The following FOXO1 variants were observed in gnomAD, a reference collection of about 807,000 sequenced individuals.
FOXO1 encodes the protein forkhead box O1.
A neutral mutation model predicts 44.1 loss-of-function variants in FOXO1; 6 were observed. The observed-to-expected ratio is 0.14, with a 90% CI of 0.07 to 0.27. The LOEUF (loss-of-function observed/expected upper bound fraction) is 0.27. Among genes scored for constraint, FOXO1 ranks in the 10% least tolerant of loss-of-function variants. FOXO1 has a pLI of 1.00. For synonymous variants in FOXO1, 380 were observed against 362.7 expected (o/e 1.05, Z -0.54); for missense variants, 737 against 888.8 (o/e 0.83, Z 2.17).
rs555035704 is a variant in FOXO1 at position 40,560,117 on chromosome 13, C to A, written c.1374G>T (p.Ala458=). 3 of 1,613,980 alleles carry A rather than the reference C, an allele frequency of 1.9e-6. No homozygotes were observed. The highest frequency in any genetic ancestry group is 1.7e-5 in the Admixed American group (1 of 59,998). Residue 458 remains alanine, a synonymous_variant, in exon 2 of 3, where the codon GCG becomes GCT. Coordinates refer to ENST00000379561, the MANE Select transcript of FOXO1 (RefSeq NM_002015.4). This position sits in a 1 kb window ranked among gnomAD's most constrained non-coding sequence, Gnocchi z 5.1. ...TCAGCAACTCCTTCAAGAGTCCAGGCGCACAGTTATACTGACTCATACCTC... is the reference window on the plus strand; with the variant it reads ...TCAGCAACTCCTTCAAGAGTCCAGGAGCACAGTTATACTGACTCATACCTC... ...SYGGMSQYNC[A]PGLLKELLTS...
intron 1 of FOXO1, among the ~76,000 whole-genome samples, chr13:40,656,893 C>T (rs142738531): frequency 0.016 from 2,465 of 151,078 alleles, 72 homozygotes; most frequent in African/African-American, 0.054. Flanking sequence ...TGCAGTGGCA[C>T]GATCCAGGCT....
At chr13:40,634,025 C>A (rs1440177719) in intron 1 of FOXO1, among the ~76,000 whole-genome samples, 1 of 152,144 alleles carries the variant, frequency 6.6e-6, no homozygotes, top group Non-Finnish European at 1.5e-5. Flanking sequence ...GGGTTGGAAA[C>A]TGAATTATGG....
At chr13:40,664,384 C>G (rs1193861218) in intron 1 of FOXO1, among the ~76,000 whole-genome samples, 1 of 152,140 alleles carries the variant, frequency 6.6e-6, no homozygotes, top group Non-Finnish European at 1.5e-5. Context: ...CTGGACCCCG[C>G]CCCCGGGAAG....
intron 1 of FOXO1, chr13:40,620,018 A>G: frequency 2.6e-6 from 2 of 783,790 alleles, no homozygotes; most frequent in Non-Finnish European, 4.3e-6. Flanking sequence ...CATAATTCAC[A>G]AAGGGAAAGT....
At chr13:40,619,798 C>T (rs1489284633) in intron 1 of FOXO1, 8 of 780,032 alleles carry the variant, frequency 1.0e-5, no homozygotes, top group East Asian at 9.9e-5. Context: ...TAGTGCTTCA[C>T]GCACTAATTT....
intron 1 of FOXO1, among the ~76,000 whole-genome samples, chr13:40,564,793 C>A (rs1874198778): frequency 6.6e-6 from 1 of 150,844 alleles, no homozygotes; most frequent in Admixed American, 6.6e-5. Context: ...GAAACACAAG[C>A]CAGCCAATCT....
intron 1 of FOXO1, among the ~76,000 whole-genome samples, chr13:40,562,119 A>G (rs1439140394): frequency 2.6e-5 from 4 of 152,080 alleles, no homozygotes; most frequent in African/African-American, 9.7e-5. Context: ...CTGCCAAAAG[A>G]AATTTTTTTT....
chr13:40,605,984 C>CA (rs139088935), intron 1 of FOXO1, among the ~76,000 whole-genome samples: 14 of 146,390 alleles, frequency 9.6e-5, no homozygotes, highest in African/African-American at 1.5e-4. Flanking sequence ...TCTGGGATGA[C>CA]AAAAAAAAAA....
At chr13:40,635,726 G>C (rs1877123804) in intron 1 of FOXO1, among the ~76,000 whole-genome samples, 2 of 152,214 alleles carry the variant, frequency 1.3e-5, no homozygotes, top group African/African-American at 2.4e-5. Flanking sequence ...CCTTGTGCAG[G>C]AAAGGCCTCT....
chr13:40,658,102 C>T (rs1476194016), intron 1 of FOXO1, among the ~76,000 whole-genome samples: 2 of 152,176 alleles, frequency 1.3e-5, no homozygotes, highest in African/African-American at 4.8e-5. Context: ...GATATTCACT[C>T]AGAGGACAAA....
chr13:40,634,288 T>C (rs758365977), intron 1 of FOXO1, among the ~76,000 whole-genome samples: 8 of 152,188 alleles, frequency 5.3e-5, no homozygotes, highest in Non-Finnish European at 1.2e-4. Flanking sequence ...AACTCAACAA[T>C]TTAACTGGTT....
chr13:40,595,391 C>T (rs185336088), intron 1 of FOXO1, among the ~76,000 whole-genome samples: 13 of 152,256 alleles, frequency 8.5e-5, no homozygotes, highest in South Asian at 4.1e-4. Flanking sequence ...CCTGTCAAAA[C>T]GCAGATCCTC....
chr13:40,623,142 C>T (rs555406989), intron 1 of FOXO1, among the ~76,000 whole-genome samples: 1 of 151,570 alleles, frequency 6.6e-6, no homozygotes, highest in Admixed American at 6.6e-5. Flanking sequence ...AAAAGGAATA[C>T]AGTTAAAGGG....
intron 1 of FOXO1, among the ~76,000 whole-genome samples, chr13:40,591,997 G>A (rs372595978): frequency 6.6e-6 from 1 of 152,112 alleles, no homozygotes; most frequent in Non-Finnish European, 1.5e-5. Context: ...GTGAGCCACC[G>A]CACTCAGCCC....
Position 40,559,909 on chromosome 13 carries a change from C to T in FOXO1, c.1582G>A (p.Ala528Thr). ...NPSSHTHPGHAQQTSAVNGRP... is the reference protein window; with the variant it reads ...NPSSHTHPGHTQQTSAVNGRP... ...CCGTTAACTGCAGATGTCTGCTGAGCATGTCCAGGGTGGGTATGGGAGCTG... is the reference window on the plus strand; with the variant it reads ...CCGTTAACTGCAGATGTCTGCTGAGTATGTCCAGGGTGGGTATGGGAGCTG... The change falls in exon 2 of 3, where the codon GCT becomes ACT. Residue 528 changes from alanine to threonine, a missense_variant. This residue lies in a region of FOXO1 where 283 missense variants were observed against 278.1 expected (regional missense o/e 1.02). Transcript: ENST00000379561. 1 of 1,614,194 alleles carries T rather than the reference C, an allele frequency of 6.2e-7. No individual in the cohort carries two copies. The highest frequency in any genetic ancestry group is 1.1e-5 in the South Asian group (1 of 91,076).
rs146366160 is a variant in FOXO1 at position 40,662,481 on chromosome 13, G to C, written c.630+3102C>G. Among the ~76,000 whole-genome samples the C allele has an allele frequency of 3.5e-4, 53 of 152,250 alleles. No homozygotes were observed. The East Asian group carries it at 8.7e-3, about 25-fold the overall frequency. On this transcript the variant is annotated intron_variant, in intron 1 of 2. Transcript: ENST00000379561. ...TTAGAAGATCCCGGGTTTTCCAAAA[G>C]TCTTAGGTTCCACTTTGTGTGTGAC...
intron 1 of FOXO1, among the ~76,000 whole-genome samples, chr13:40,599,951 G>A (rs1389240615): frequency 1.3e-5 from 2 of 152,214 alleles, no homozygotes; most frequent in Non-Finnish European, 1.5e-5. Context: ...GACCAGTGTA[G>A]TGACCCAAGT....
rs3841231 is a variant in FOXO1 at position 40,558,408 on chromosome 13, CT to C, written c.*640del. On this transcript the variant is annotated 3_prime_UTR_variant, in exon 3 of 3. Coordinates refer to ENST00000379561, the MANE Select transcript of FOXO1 (RefSeq NM_002015.4). ...GACCTGTACAAAGCTGGCATTTAATCTTTTTTTTTCCAAAAGTTTAACAAGT... is the reference window on the plus strand; with the variant it reads ...GACCTGTACAAAGCTGGCATTTAATCTTTTTTTTCCAAAAGTTTAACAAGT... The C allele has an allele frequency of 0.35, 54,196 of 153,924 alleles. 10,587 individuals carry two copies. The highest frequency in any genetic ancestry group is 0.75 in the East Asian group (3,952 of 5,246). The allele number at this position is 153,924 out of a possible 1,614,324, so 9.5% of individuals were successfully genotyped here.
intron 1 of FOXO1, among the ~76,000 whole-genome samples, chr13:40,606,313 T>G (rs939426199): frequency 6.6e-6 from 1 of 152,120 alleles, no homozygotes; most frequent in Non-Finnish European, 1.5e-5. Flanking sequence ...TTTTCTTTCT[T>G]TCTTCTTTTC....
Sources: gnomAD v4.1 joint callset for allele counts (sites outside exome capture counted in the v4.1 genomes callset) on GRCh38, gnomAD v4.1.1 for gene constraint, gnomAD v4.1.1 regional missense constraint, Gnocchi (gnomAD v3.1) non-coding constraint, MANE v1.5 for transcripts, NCBI Gene and HGNC (gene_info 2026-07-23, HGNC 2026-07-21) for gene names.